Variants in SH3BGR observed in about 807,000 individuals in gnomAD.
SH3BGR encodes the protein SH3 domain binding glutamate rich protein.
SH3BGR carries 29 observed loss-of-function variants against 24.5 expected under a neutral mutation model. The ratio of observed to expected loss-of-function variants is 1.18; its 90% CI spans 0.88 to 1.61. SH3BGR has a LOEUF of 1.61. Among genes scored for constraint, SH3BGR ranks in the 40% most tolerant of loss-of-function variants. The pLI, the probability that SH3BGR is intolerant of heterozygous loss-of-function variation, is 0.00. For synonymous variants in SH3BGR, 55 were observed against 65.7 expected, an observed-to-expected ratio of 0.84 and a Z score of 0.79; for missense variants, 162 against 205.8, an observed-to-expected ratio of 0.79 and a Z score of 1.30.
Position 39,490,033 on chromosome 21 carries a change from G to T in SH3BGR, c.313-9790G>T, listed in dbSNP as rs1017629757. Among the ~76,000 whole-genome samples the T allele has an allele frequency of 3.9e-5, 6 of 152,306 alleles. No individual in the cohort carries two copies. In the South Asian group the frequency reaches 8.3e-4, roughly 21 times the overall value. On this transcript the variant is annotated intron_variant, in intron 3 of 6. Coordinates refer to ENST00000333634, the MANE Select transcript of SH3BGR (RefSeq NM_007341.3). ...GAGAAAAGAAGGGAAATAAGTGTAA[G>T]TGTTCGAAAGGGCGCATCTCAATTG...
chr21:39,452,156 G>A lies in SH3BGR; in HGVS notation c.45+15G>A, dbSNP rs768966633. On this transcript the variant is annotated intron_variant, in intron 1 of 6. Coordinates refer to ENST00000333634, the MANE Select transcript of SH3BGR (RefSeq NM_007341.3). ...GGTCCATAGCGGTAGGTGTCTGGTG[G>A]ACTCTTTCTTCCTATACTCTTTTCT... is the stretch of plus-strand genomic sequence containing the variant. 18 of 1,613,968 alleles carry A rather than the reference G, an allele frequency of 1.1e-5. No homozygotes were observed. The highest frequency in any genetic ancestry group is 6.7e-5 in the East Asian group (3 of 44,902).
At chr21:39,477,621 G>T (rs1285144899) in intron 3 of SH3BGR, among the ~76,000 whole-genome samples, 2 of 152,114 alleles carry the variant, frequency 1.3e-5, no homozygotes, top group Non-Finnish European at 2.9e-5. Context: ...GGCTTTGAAC[G>T]TGCCTCCAGA....
intron 3 of SH3BGR, among the ~76,000 whole-genome samples, chr21:39,483,371 C>T (rs138275936): frequency 1.6e-3 from 245 of 152,296 alleles, no homozygotes; most frequent in African/African-American, 5.7e-3. Flanking sequence ...TAATGACTTG[C>T]CATTCATGTC....
chr21:39,469,092 C>T (rs1205621884), intron 2 of SH3BGR, among the ~76,000 whole-genome samples: 1 of 151,506 alleles, frequency 6.6e-6, no homozygotes, highest in African/African-American at 2.4e-5. Flanking sequence ...CCATGGCAGC[C>T]TTGAGCTTGT....
chr21:39,455,762 C>T (rs948347868), intron 1 of SH3BGR, among the ~76,000 whole-genome samples: 1 of 152,220 alleles, frequency 6.6e-6, no homozygotes, highest in Non-Finnish European at 1.5e-5. Flanking sequence ...TCTGCAGGCT[C>T]CCAGCCCAGG....
intron 2 of SH3BGR, among the ~76,000 whole-genome samples, chr21:39,463,766 A>G (rs989099851): frequency 2.0e-5 from 3 of 152,180 alleles, no homozygotes; most frequent in Non-Finnish European, 4.4e-5. Context: ...AGCCAAGAAG[A>G]TTTACTATCT....
chr21:39,447,742 G>A (rs78293338), upstream of SH3BGR, among the ~76,000 whole-genome samples: 6,838 of 152,080 alleles, frequency 0.045, 207 homozygotes, highest in South Asian at 0.074. Context: ...TCGAAGGGGT[G>A]TTCTTTTCTG....
At chr21:39,488,310 G>C (rs2078243171) in intron 3 of SH3BGR, 1 of 200,072 alleles carries the variant, frequency 5.0e-6, no homozygotes, top group Non-Finnish European at 1.1e-5. Context: ...TAGCTGAGCA[G>C]AGCTGAGCAG....
intron 1 of SH3BGR, among the ~76,000 whole-genome samples, chr21:39,453,620 T>C (rs2837038): frequency 0.71 from 107,566 of 152,016 alleles, 38,284 homozygotes; most frequent in Middle Eastern, 0.77. Flanking sequence ...TAGTTAGCTT[T>C]GGATGACCTG....
chr21:39,489,311 A>T (rs368413397), intron 3 of SH3BGR, among the ~76,000 whole-genome samples: 3 of 152,364 alleles, frequency 2.0e-5, no homozygotes, highest in African/African-American at 7.2e-5. Flanking sequence ...ACTAGAAACT[A>T]TGGGAGAATC....
intron 1 of SH3BGR, among the ~76,000 whole-genome samples, chr21:39,456,867 G>T (rs1412291686): frequency 6.6e-6 from 1 of 151,954 alleles, no homozygotes; most frequent in Non-Finnish European, 1.5e-5. Flanking sequence ...GTTGTGTTGT[G>T]GCAAACAGAG....
chr21:39,501,514 C>T (rs1051761390), intron 4 of SH3BGR, among the ~76,000 whole-genome samples: 3 of 152,000 alleles, frequency 2.0e-5, no homozygotes, highest in Admixed American at 6.6e-5. Flanking sequence ...AAGAAATGAC[C>T]GTAAGTGAAA....
chr21:39,510,422 C>T (rs2078663286), intron 5 of SH3BGR, among the ~76,000 whole-genome samples: 2 of 107,446 alleles, frequency 1.9e-5, no homozygotes, highest in South Asian at 2.9e-4. Flanking sequence ...CACACACACA[C>T]TGTAGCTACA....
chr21:39,462,416 G>A lies in SH3BGR; in HGVS notation c.87G>A (p.Ala29=), dbSNP rs1182123466. The change falls in exon 2 of 7, where the codon GCG becomes GCA. Residue 29 remains alanine, a synonymous_variant. Coordinates refer to ENST00000333634, the MANE Select transcript of SH3BGR (RefSeq NM_007341.3). The part of the protein sequence containing the change: ...KQQEVVGFLE[A]NKIDFKELDI... ...AAGAAGTAGTGGGTTTTTTGGAAGC[G>A]AATAAAATCGACTTTAAGGAATTAG... The A allele has an allele frequency of 6.8e-6, 11 of 1,610,588 alleles. No homozygotes were observed. Among genetic ancestry groups the A allele is most frequent in the Admixed American group, 6.8e-5 (4 of 58,806 alleles).
chr21:39,467,755 C>T (rs2077867681), intron 2 of SH3BGR, among the ~76,000 whole-genome samples: 1 of 152,016 alleles, frequency 6.6e-6, no homozygotes, highest in Non-Finnish European at 1.5e-5. Context: ...GGAAGGAGAC[C>T]CCAGAGGCAA....
intron 4 of SH3BGR, among the ~76,000 whole-genome samples, chr21:39,503,927 G>C (rs1454783898): frequency 6.6e-6 from 1 of 152,160 alleles, no homozygotes. Context: ...TGATAACCCA[G>C]GGGAGGGTGA....
intron 1 of SH3BGR, among the ~76,000 whole-genome samples, chr21:39,458,795 C>T (rs142469123): frequency 0.014 from 2,133 of 150,468 alleles, 40 homozygotes; most frequent in African/African-American, 0.047. Flanking sequence ...TACAGACATG[C>T]GCCACCACGC....
chr21:39,472,418 A>G (rs1466628261), intron 2 of SH3BGR, among the ~76,000 whole-genome samples: 1 of 152,100 alleles, frequency 6.6e-6, no homozygotes, highest in Non-Finnish European at 1.5e-5. Context: ...CTTAGGCCCC[A>G]CCTCCCAACA....
chr21:39,492,479 TATACACACACAC>T (rs2078320155), intron 3 of SH3BGR, among the ~76,000 whole-genome samples: 1 of 67,718 alleles, frequency 1.5e-5, no homozygotes, highest in African/African-American at 3.0e-5. Flanking sequence ...TATATATATA[TATACACACACAC>T]ACACACACCA....
Sources: allele counts gnomAD v4.1 joint callset (sites outside exome capture counted in the v4.1 genomes callset), GRCh38; gene constraint gnomAD v4.1.1; transcripts MANE v1.5; gene names NCBI Gene and HGNC (gene_info 2026-07-23, HGNC 2026-07-21).